Variants in PTPRT observed in about 807,000 individuals in gnomAD.
PTPRT encodes protein tyrosine phosphatase receptor type T.
A neutral mutation model predicts 176.8 loss-of-function variants in PTPRT; 56 were observed. That is an observed-to-expected ratio of 0.32 (90% CI 0.26 to 0.40). The LOEUF (loss-of-function observed/expected upper bound fraction) is 0.40. Among genes scored for constraint, PTPRT ranks in the 10% least tolerant of loss-of-function variants. The probability of loss-of-function intolerance (pLI) is 1.00; values close to 1 mark genes in which losing one functional copy is unlikely to be tolerated. For missense variants in PTPRT, 1,540 were observed against 1,908.2 expected, an observed-to-expected ratio of 0.81 and a Z score of 3.60; for synonymous variants, 783 against 739.0, an observed-to-expected ratio of 1.06 and a Z score of -0.96.
chr20:42,147,459 A>G (rs1315640248), intron 17 of PTPRT, among the ~76,000 whole-genome samples: 1 of 151,990 alleles, frequency 6.6e-6, no homozygotes, highest in Non-Finnish European at 1.5e-5. Flanking sequence ...TTTTTTCTTT[A>G]CTCAACCTCA....
chr20:42,304,094 G>A (rs2057509885), intron 12 of PTPRT, among the ~76,000 whole-genome samples: 1 of 152,146 alleles, frequency 6.6e-6, no homozygotes, highest in Non-Finnish European at 1.5e-5. Context: ...GACTGCAGAA[G>A]AATTGTCCCA....
chr20:42,213,079 T>C (rs1394598678), intron 15 of PTPRT, among the ~76,000 whole-genome samples: 2 of 152,204 alleles, frequency 1.3e-5, no homozygotes, highest in Non-Finnish European at 2.9e-5. Context: ...ACAGCTGTTC[T>C]CCAAGTGTGG....
At chr20:43,076,257 T>G (rs1460316229) in intron 1 of PTPRT, among the ~76,000 whole-genome samples, 2 of 152,176 alleles carry the variant, frequency 1.3e-5, no homozygotes, top group Non-Finnish European at 2.9e-5. Flanking sequence ...TGATTCCTAG[T>G]GTCCACTGCT....
At chr20:42,813,138 C>T (rs369585127) in intron 2 of PTPRT, among the ~76,000 whole-genome samples, 32 of 152,156 alleles carry the variant, frequency 2.1e-4, no homozygotes, top group African/African-American at 7.2e-4. Flanking sequence ...TTTATGGGCT[C>T]TTTAATCCTA....
At chr20:42,196,372 A>G (rs12625660) in intron 16 of PTPRT, among the ~76,000 whole-genome samples, 7,717 of 152,204 alleles carry the variant, frequency 0.051, 307 homozygotes, top group East Asian at 0.14. Flanking sequence ...AATTATATAC[A>G]TATTTATGGG....
At chr20:42,825,162 A>T (rs1365877136) in intron 2 of PTPRT, among the ~76,000 whole-genome samples, 2 of 152,102 alleles carry the variant, frequency 1.3e-5, no homozygotes, top group African/African-American at 4.8e-5. Flanking sequence ...TACGTATCAC[A>T]TTATCAAGTT....
chr20:42,179,666 G>C (rs911981538), intron 16 of PTPRT, among the ~76,000 whole-genome samples: 1 of 152,090 alleles, frequency 6.6e-6, no homozygotes, highest in Non-Finnish European at 1.5e-5. Flanking sequence ...CCACATTTAG[G>C]GTCAGTTGAA....
At chr20:42,667,958 T>C (rs954791407) in intron 7 of PTPRT, among the ~76,000 whole-genome samples, 1 of 152,016 alleles carries the variant, frequency 6.6e-6, no homozygotes, top group Middle Eastern at 3.2e-3. Flanking sequence ...CAGAGTGAGG[T>C]TGTAAATGGT....
intron 7 of PTPRT, among the ~76,000 whole-genome samples, chr20:42,641,279 G>A (rs575952770): frequency 1.4e-4 from 21 of 152,246 alleles, no homozygotes; most frequent in African/African-American, 4.6e-4. Context: ...TGTCACTAGC[G>A]ATGTGTGAGA....
intron 11 of PTPRT, among the ~76,000 whole-genome samples, chr20:42,344,797 T>G (rs2058163582): frequency 6.6e-6 from 1 of 152,170 alleles, no homozygotes; most frequent in Admixed American, 6.5e-5. Context: ...ACCTGGACCC[T>G]GCCTGCTCCT....
At chr20:42,954,706 A>G (rs1981509926) in intron 1 of PTPRT, among the ~76,000 whole-genome samples, 1 of 152,176 alleles carries the variant, frequency 6.6e-6, no homozygotes, top group African/African-American at 2.4e-5. Flanking sequence ...GTTGCAGAAG[A>G]AAAATGGCAT....
chr20:42,521,870 T>C (rs1435893703), intron 7 of PTPRT, among the ~76,000 whole-genome samples: 1 of 152,128 alleles, frequency 6.6e-6, no homozygotes, highest in African/African-American at 2.4e-5. Context: ...TTTGTATGAC[T>C]TAGTCGTTTT....
At chr20:43,170,057 G>A (rs2014957987) in intron 1 of PTPRT, among the ~76,000 whole-genome samples, 1 of 151,832 alleles carries the variant, frequency 6.6e-6, no homozygotes. Flanking sequence ...GATCTCACCT[G>A]GTGCCCACCC....
Position 42,102,013 on chromosome 20 carries a change from A to AG in PTPRT, c.3714+110dup, listed in dbSNP as rs914431792. The AG allele has an allele frequency of 5.0e-4, 652 of 1,295,538 alleles. 2 individuals are homozygous for AG. Among genetic ancestry groups the AG allele is most frequent in the Middle Eastern group, 1.6e-3 (8 of 4,966 alleles). The allele number at this position is 1,295,538 out of a possible 1,614,324, so 80.3% of individuals were successfully genotyped here. On this transcript the variant is annotated intron_variant, in intron 26 of 30. Transcript: ENST00000373187. ...TCCTTGGGACTAGTAGATCAGAAGC[A>AG]GGGGGGGCTGGCTGGTGGGGTCAGG...
At chr20:42,775,775 T>C (rs546536450) in intron 4 of PTPRT, among the ~76,000 whole-genome samples, 1 of 152,344 alleles carries the variant, frequency 6.6e-6, no homozygotes, top group East Asian at 1.9e-4. Context: ...GTGGAATCAC[T>C]TATTGATAAA....
intron 23 of PTPRT, among the ~76,000 whole-genome samples, chr20:42,109,869 G>A (rs1568940384): frequency 2.0e-5 from 3 of 152,090 alleles, no homozygotes; most frequent in South Asian, 2.1e-4. Context: ...CAGTAACAAT[G>A]GCCACTACTG....
chr20:42,828,358 C>T (rs1457179021), intron 2 of PTPRT, among the ~76,000 whole-genome samples: 2 of 152,080 alleles, frequency 1.3e-5, no homozygotes, highest in East Asian at 3.9e-4. Context: ...GCAAAGCATT[C>T]AAGAGGAAGC....
At chr20:42,422,180 C>T (rs1159522383) in intron 9 of PTPRT, among the ~76,000 whole-genome samples, 1 of 152,156 alleles carries the variant, frequency 6.6e-6, no homozygotes, top group African/African-American at 2.4e-5. Flanking sequence ...AAAGCAATTG[C>T]AACAAAAGCA....
chr20:42,317,764 C>G (rs1459378607), intron 11 of PTPRT, among the ~76,000 whole-genome samples: 1 of 152,146 alleles, frequency 6.6e-6, no homozygotes, highest in Non-Finnish European at 1.5e-5. Flanking sequence ...CCTGAATTTT[C>G]TTGAGCATAG....
Sources: gnomAD v4.1 joint callset for allele counts (sites outside exome capture counted in the v4.1 genomes callset) on GRCh38, gnomAD v4.1.1 for gene constraint, MANE v1.5 for transcripts, NCBI Gene and HGNC (gene_info 2026-07-23, HGNC 2026-07-21) for gene names.